ADIPOR2: variants seen among roughly 807,000 people sequenced by gnomAD.
ADIPOR2 encodes the protein adiponectin receptor 2.
ADIPOR2 carries 18 observed loss-of-function variants against 40.9 expected under a neutral mutation model. The observed-to-expected ratio is 0.44, with a 90% confidence interval of 0.30 to 0.65. The LOEUF (loss-of-function observed/expected upper bound fraction) is 0.65, where lower values mean the gene tolerates loss of function less well. ADIPOR2 is among the 30% of genes least tolerant of loss of function. ADIPOR2 has a pLI of 0.09. For synonymous variants in ADIPOR2, 165 were observed against 166.4 expected (o/e 0.99, Z 0.06); for missense variants, 283 against 479.2 (o/e 0.59, Z 3.82).
chr12:1,766,957 A>C lies in ADIPOR2; in HGVS notation c.172-5885A>C, dbSNP rs149287838. 2.1e-4 allele frequency among the ~76,000 whole-genome samples: 32 copies of C among 152,320 alleles called. No homozygotes were observed. The East Asian group carries it at 5.6e-3, about 27-fold the overall frequency. ...TCACTTCATTTTATTTTCATGGAGA[A>C]GCCTGCTTAAGAAATTCAATTAAGA... On this transcript the variant is annotated intron_variant, in intron 2 of 7. Coordinates refer to ENST00000357103, the MANE Select transcript of ADIPOR2 (RefSeq NM_024551.3).
intron 2 of ADIPOR2, among the ~76,000 whole-genome samples, chr12:1,764,094 G>T (rs1862324942): frequency 6.6e-6 from 1 of 152,196 alleles, no homozygotes; most frequent in Non-Finnish European, 1.5e-5. Context: ...CTGCCAGCCA[G>T]ATGTGTGACT....
At chr12:1,770,015 C>T (rs1372452199) in intron 2 of ADIPOR2, among the ~76,000 whole-genome samples, 1 of 151,522 alleles carries the variant, frequency 6.6e-6, no homozygotes, top group Non-Finnish European at 1.5e-5. Flanking sequence ...CCTCCTGGGG[C>T]TCAAGGAGTC....
chr12:1,710,934 A>G (rs1426198533), intron 1 of ADIPOR2, among the ~76,000 whole-genome samples: 2 of 152,178 alleles, frequency 1.3e-5, no homozygotes, highest in Non-Finnish European at 2.9e-5. Flanking sequence ...GGCGAGTAAT[A>G]GCAAGATGGC....
intron 7 of ADIPOR2, among the ~76,000 whole-genome samples, chr12:1,785,677 TTTCAGTG>T (rs967996979): frequency 2.7e-5 from 4 of 150,816 alleles, no homozygotes; most frequent in African/African-American, 9.7e-5. Flanking sequence ...TTGCCACTGG[TTTCAGTG>T]TTAAGTTTGT....
Position 1,786,277 on chromosome 12 carries a change from C to CA in ADIPOR2, c.*207dup. 1 of 574,884 alleles carries CA rather than the reference C, an allele frequency of 1.7e-6. No homozygotes were observed. Among genetic ancestry groups the CA allele is most frequent in the Non-Finnish European group, 2.8e-6 (1 of 354,120 alleles). 35.6% of individuals were successfully genotyped at this position (574,884 alleles called of 1,614,324 possible). On this transcript the variant is annotated 3_prime_UTR_variant, in exon 8 of 8. Transcript: ENST00000357103. Reference sequence around the variant, plus strand: ...TCATACCTCAAAGGATGGAGTGCATCAATTGGGAGAAAAGGAGACATAGCC... The same window carrying CA: ...TCATACCTCAAAGGATGGAGTGCATCAAATTGGGAGAAAAGGAGACATAGCC...
intron 1 of ADIPOR2, among the ~76,000 whole-genome samples, chr12:1,734,969 C>G (rs1329577246): frequency 3.3e-5 from 5 of 152,148 alleles, no homozygotes; most frequent in Non-Finnish European, 7.3e-5. Context: ...TGTTTTGGTA[C>G]CAGTACCATG....
chr12:1,786,173 C>CT lies in ADIPOR2; in HGVS notation c.*104dup. On this transcript the variant is annotated 3_prime_UTR_variant, in exon 8 of 8. Coordinates refer to ENST00000357103, the MANE Select transcript of ADIPOR2 (RefSeq NM_024551.3). ...TGCCAGTACCAGAGGAGCCCCAAAACTTTGACAGCCTCGTGGGCTTTGTGA... is the reference window on the plus strand; with the variant it reads ...TGCCAGTACCAGAGGAGCCCCAAAACTTTTGACAGCCTCGTGGGCTTTGTGA... 6.8e-7 allele frequency: 1 copy of CT among 1,476,510 alleles called. No individual in the cohort carries two copies. The highest frequency in any genetic ancestry group is 2.3e-5 in the East Asian group (1 of 43,600). The allele number at this position is 1,476,510 out of a possible 1,614,324, so 91.5% of individuals were successfully genotyped here. A position where few individuals can be genotyped will look rare whatever the true frequency, so the allele number is the denominator to read the frequency against.
intron 1 of ADIPOR2, among the ~76,000 whole-genome samples, chr12:1,729,863 C>T (rs902528205): frequency 2.0e-5 from 3 of 152,000 alleles, no homozygotes; most frequent in Non-Finnish European, 4.4e-5. Context: ...AAGCACAAAA[C>T]TTGGCACATA....
chr12:1,740,755 G>A (rs1237011160), intron 1 of ADIPOR2, among the ~76,000 whole-genome samples: 1 of 152,188 alleles, frequency 6.6e-6, no homozygotes, highest in Admixed American at 6.5e-5. Flanking sequence ...TCCTGTTTTA[G>A]ATACATATGG....
intron 2 of ADIPOR2, among the ~76,000 whole-genome samples, chr12:1,761,531 A>G (rs928620947): frequency 6.6e-6 from 1 of 152,178 alleles, no homozygotes; most frequent in African/African-American, 2.4e-5. Context: ...TATTGTTACT[A>G]TATTTTGAAT....
At chr12:1,753,854 T>TA (rs397850150) in intron 1 of ADIPOR2, among the ~76,000 whole-genome samples, 3 of 152,156 alleles carry the variant, frequency 2.0e-5, no homozygotes, top group Non-Finnish European at 2.9e-5. Flanking sequence ...TACTATTTTT[T>TA]AAATTAAACA....
intron 1 of ADIPOR2, among the ~76,000 whole-genome samples, chr12:1,726,927 A>G (rs2094709173): frequency 6.6e-6 from 1 of 152,192 alleles, no homozygotes; most frequent in Non-Finnish European, 1.5e-5. Flanking sequence ...CCAGCTGCCT[A>G]AGGAAAAACC....
In ADIPOR2 at chr12:1,691,107, C is replaced by T; in HGVS notation, c.-171C>T. On this transcript the variant is annotated 5_prime_UTR_variant, in exon 1 of 8. Coordinates refer to ENST00000357103, the MANE Select transcript of ADIPOR2 (RefSeq NM_024551.3). ...GCGGCGGCGGCAGCGGCGGCGGCTA[C>T]ACCGGGCTTGGCCCCCTCCCTCCTC... is the stretch of plus-strand genomic sequence containing the variant. The T allele has an allele frequency of 6.1e-6, 1 of 164,032 alleles. No individual in the cohort carries two copies. The highest frequency in any genetic ancestry group is 1.3e-5 in the Non-Finnish European group (1 of 75,962). 10.2% of individuals were successfully genotyped at this position (164,032 alleles called of 1,614,324 possible). A position where few individuals can be genotyped will look rare whatever the true frequency, so the allele number is the denominator to read the frequency against.
chr12:1,746,904 C>G (rs753624372), intron 1 of ADIPOR2, among the ~76,000 whole-genome samples: 35 of 152,076 alleles, frequency 2.3e-4, no homozygotes, highest in Non-Finnish European at 4.3e-4. Flanking sequence ...TATTGCACCC[C>G]TGTTGTCCCA....
intron 1 of ADIPOR2, among the ~76,000 whole-genome samples, chr12:1,695,542 A>G (rs1296790806): frequency 6.6e-6 from 1 of 151,886 alleles, no homozygotes; most frequent in Non-Finnish European, 1.5e-5. Flanking sequence ...GCGCGCCTGT[A>G]ATCCCAACTA....
At chr12:1,709,035 A>T (rs1398032769) in intron 1 of ADIPOR2, among the ~76,000 whole-genome samples, 2 of 152,118 alleles carry the variant, frequency 1.3e-5, no homozygotes, top group Non-Finnish European at 2.9e-5. Context: ...ATCTATACTT[A>T]TGCCAGTACT....
chr12:1,749,415 C>T (rs2154443293), intron 1 of ADIPOR2, among the ~76,000 whole-genome samples: 1 of 152,348 alleles, frequency 6.6e-6, no homozygotes, highest in East Asian at 1.9e-4. Context: ...TGAGGCCTAA[C>T]ACTTCCAACA....
intron 1 of ADIPOR2, among the ~76,000 whole-genome samples, chr12:1,711,707 T>G (rs1278601900): frequency 6.6e-6 from 1 of 151,992 alleles, no homozygotes; most frequent in Non-Finnish European, 1.5e-5. Context: ...ACTCCCTCTT[T>G]GTCTGTCTCT....
At chr12:1,732,679 C>CT (rs1186281409) in intron 1 of ADIPOR2, among the ~76,000 whole-genome samples, 1 of 151,910 alleles carries the variant, frequency 6.6e-6, no homozygotes, top group East Asian at 1.9e-4. Flanking sequence ...AATTGTATGC[C>CT]TTTCTAACTT....
Sources: allele counts gnomAD v4.1 joint callset (sites outside exome capture counted in the v4.1 genomes callset), GRCh38; gene constraint gnomAD v4.1.1; transcripts MANE v1.5; gene names NCBI Gene and HGNC (gene_info 2026-07-23, HGNC 2026-07-21).